DOCK5: variants seen among roughly 807,000 people sequenced by gnomAD.
The protein encoded by DOCK5 is dedicator of cytokinesis protein 5.
Under a neutral mutation model 251.8 loss-of-function variants are expected in DOCK5, and 142 were observed. That is an observed-to-expected ratio of 0.56 (90% CI 0.49 to 0.65). The LOEUF is 0.65. Among genes scored for constraint, DOCK5 ranks in the 30% least tolerant of loss-of-function variants. DOCK5 has a pLI of 0.00. For synonymous variants in DOCK5, 842 were observed against 835.5 expected, an observed-to-expected ratio of 1.01 and a Z score of -0.13; for missense variants, 2,111 against 2,312.3, an observed-to-expected ratio of 0.91 and a Z score of 1.79.
At chr8:25,369,134 A>G (rs1363866461) in intron 33 of DOCK5, among the ~76,000 whole-genome samples, 1 of 152,216 alleles carries the variant, frequency 6.6e-6, no homozygotes, top group Non-Finnish European at 1.5e-5. Flanking sequence ...TTTTCCTGGT[A>G]TGTCTTCTCT....
chr8:25,303,576 T>G lies in DOCK5; in HGVS notation c.977-679T>G, dbSNP rs183240510. Among the ~76,000 whole-genome samples the G allele has an allele frequency of 8.4e-4, 128 of 152,314 alleles. 1 individual carries two copies. Among genetic ancestry groups the G allele is most frequent in the African/African-American group, 3.0e-3 (124 of 41,570 alleles). ...CATTGACATTTTGGTTGCTCATAGATTGAAAGCGATCAAGGAAATGTTATA... is the reference window on the plus strand; with the variant it reads ...CATTGACATTTTGGTTGCTCATAGAGTGAAAGCGATCAAGGAAATGTTATA... On this transcript the variant is annotated intron_variant, in intron 10 of 51. Transcript: ENST00000276440.
chr8:25,336,434 C>A, intron 22 of DOCK5, 61 bp downstream of exon 22: 1 of 1,591,584 alleles, frequency 6.3e-7, no homozygotes. Context: ...TGCTTTTTCC[C>A]TCACTCTGCA....
At chr8:25,237,694 C>A (rs899455281) in intron 1 of DOCK5, among the ~76,000 whole-genome samples, 17 of 152,202 alleles carry the variant, frequency 1.1e-4, no homozygotes, top group Non-Finnish European at 5.9e-5. Flanking sequence ...TGGCAGCCAG[C>A]GAGGCAACGT....
intron 1 of DOCK5, among the ~76,000 whole-genome samples, chr8:25,243,169 C>A (rs1279290477): frequency 2.0e-5 from 3 of 152,180 alleles, no homozygotes; most frequent in African/African-American, 4.8e-5. Flanking sequence ...GCCCCTCTAT[C>A]ACTAGTCTCT....
intron 1 of DOCK5, among the ~76,000 whole-genome samples, chr8:25,214,387 G>C (rs1445853069): frequency 6.6e-6 from 1 of 152,038 alleles, no homozygotes; most frequent in African/African-American, 2.4e-5. Context: ...TGTGTCTTGG[G>C]GTCAAGGGAT....
intron 47 of DOCK5, among the ~76,000 whole-genome samples, chr8:25,402,306 T>G (rs1456933521): frequency 6.6e-6 from 1 of 152,034 alleles, no homozygotes; most frequent in Non-Finnish European, 1.5e-5. Flanking sequence ...TTTTTTTTGT[T>G]TGTTTTTTGA....
chr8:25,217,984 T>C (rs1802290382), intron 1 of DOCK5, among the ~76,000 whole-genome samples: 1 of 152,240 alleles, frequency 6.6e-6, no homozygotes, highest in South Asian at 2.1e-4. Context: ...TTAAATAATT[T>C]GATTTCAAAT....
rs1801804819 is a variant in DOCK5, at chr8:25,199,070, G to GT, written c.43+14122dup. ...GGTTTGGCCACTGACTTCTCACGTG[G>GT]TTTCAGTCCTTAGCACCGTGGTATT... On this transcript the variant is annotated intron_variant, in intron 1 of 51. Coordinates refer to ENST00000276440, the MANE Select transcript of DOCK5 (RefSeq NM_024940.8). Among the ~76,000 whole-genome samples the GT allele has an allele frequency of 2.6e-5, 4 of 152,186 alleles. No homozygotes were observed. In the South Asian group the frequency reaches 8.3e-4, roughly 31 times the overall value.
intron 4 of DOCK5, among the ~76,000 whole-genome samples, chr8:25,276,053 A>T (rs1388113754): frequency 2.0e-5 from 3 of 151,974 alleles, no homozygotes; most frequent in Non-Finnish European, 4.4e-5. Flanking sequence ...CTGTTCACTG[A>T]TTGTGTGTGT....
intron 40 of DOCK5, among the ~76,000 whole-genome samples, chr8:25,387,204 A>AGTGAC (rs1801180532): frequency 6.7e-6 from 1 of 149,008 alleles, no homozygotes; most frequent in Admixed American, 6.6e-5. Flanking sequence ...TTTTTTTTTA[A>AGTGAC]GAGGTCTCGC....
intron 1 of DOCK5, among the ~76,000 whole-genome samples, chr8:25,220,830 C>T (rs1347156609): frequency 1.3e-5 from 2 of 152,130 alleles, no homozygotes; most frequent in African/African-American, 4.8e-5. Flanking sequence ...TCTTGAACTC[C>T]TGACTTCAGG....
At chr8:25,247,795 G>A (rs745934812) in intron 2 of DOCK5, among the ~76,000 whole-genome samples, 1 of 152,142 alleles carries the variant, frequency 6.6e-6, no homozygotes, top group Non-Finnish European at 1.5e-5. Context: ...AAAACCCACA[G>A]TGCTTCTAGT....
intron 45 of DOCK5, 176 bp downstream of exon 45, chr8:25,395,895 C>A: frequency 1.2e-6 from 1 of 807,108 alleles, no homozygotes; most frequent in East Asian, 2.7e-5. Flanking sequence ...TAGAGACTAT[C>A]AGCAACCCAG....
At chr8:25,236,955 GTGTT>G (rs565574015) in intron 1 of DOCK5, among the ~76,000 whole-genome samples, 77 of 152,204 alleles carry the variant, frequency 5.1e-4, no homozygotes, top group Non-Finnish European at 9.9e-4. Flanking sequence ...ATCTCATTCT[GTGTT>G]TGCTGGATCT....
chr8:25,310,553 A>G, intron 13 of DOCK5, 21 bp downstream of exon 13: 1 of 1,590,416 alleles, frequency 6.3e-7, no homozygotes. Context: ...TGCATGGCTC[A>G]CCTGTTTGCT....
chr8:25,190,511 A>G (rs1317831114), intron 1 of DOCK5, among the ~76,000 whole-genome samples: 2 of 152,146 alleles, frequency 1.3e-5, no homozygotes, highest in Admixed American at 6.5e-5. Flanking sequence ...TAGTAGTGCA[A>G]TTGCGGTTTA....
chr8:25,288,447 A>G (rs1191630702), intron 5 of DOCK5, among the ~76,000 whole-genome samples: 1 of 152,194 alleles, frequency 6.6e-6, no homozygotes, highest in Non-Finnish European at 1.5e-5. Flanking sequence ...CTTGGGGGAC[A>G]AAGTTGGCAG....
intron 40 of DOCK5, 151 bp from the exon 41 acceptor site, chr8:25,388,940 C>T (rs1370661689): frequency 3.0e-6 from 2 of 676,228 alleles, no homozygotes; most frequent in East Asian, 2.8e-5. Flanking sequence ...ATGATGGTCG[C>T]TGTCAGGCAA....
chr8:25,273,824 G>A (rs967166124), intron 3 of DOCK5, among the ~76,000 whole-genome samples: 1 of 152,134 alleles, frequency 6.6e-6, no homozygotes, highest in Non-Finnish European at 1.5e-5. Context: ...TATTTGATCA[G>A]TTTTCCAAAA....
Sources: allele counts gnomAD v4.1 joint callset (sites outside exome capture counted in the v4.1 genomes callset), GRCh38; gene constraint gnomAD v4.1.1; transcripts MANE v1.5; gene names NCBI Gene and HGNC (gene_info 2026-07-23, HGNC 2026-07-21).